The following TPD52 variants were observed in gnomAD, a reference collection of about 807,000 sequenced individuals.
The protein encoded by TPD52 is prostate and colon associated protein.
TPD52 carries 17 observed loss-of-function variants against 31.3 expected under a neutral mutation model. The ratio of observed to expected loss-of-function variants is 0.54; its 90% CI spans 0.37 to 0.82. The LOEUF (loss-of-function observed/expected upper bound fraction) is 0.82, where lower values mean the gene tolerates loss of function less well. Ranked by LOEUF, TPD52 falls within the 40% of genes least tolerant of loss-of-function variation. TPD52 has a pLI of 0.00. For missense variants in TPD52, 212 were observed against 240.1 expected (o/e 0.88, Z 0.77); for synonymous variants, 83 against 89.6 (o/e 0.93, Z 0.42).
intron 1 of TPD52, among the ~76,000 whole-genome samples, chr8:80,088,368 A>T (rs1815982937): frequency 6.6e-6 from 1 of 152,220 alleles, no homozygotes; most frequent in Non-Finnish European, 1.5e-5. Context: ...ACAATTCTTC[A>T]TTAGAATTTA....
intron 1 of TPD52, among the ~76,000 whole-genome samples, chr8:80,113,871 C>A (rs900854909): frequency 6.6e-6 from 1 of 152,196 alleles, no homozygotes; most frequent in Non-Finnish European, 1.5e-5. Flanking sequence ...GATCATTACA[C>A]ATTGTATCCC....
intron 1 of TPD52, among the ~76,000 whole-genome samples, chr8:80,072,298 C>T (rs1410464962): frequency 7.1e-6 from 1 of 141,192 alleles, no homozygotes; most frequent in Non-Finnish European, 1.6e-5. Flanking sequence ...CAGAGAGAGA[C>T]TCCATCTAAA....
chr8:80,101,707 G>A (rs760661310), intron 1 of TPD52, among the ~76,000 whole-genome samples: 1 of 152,076 alleles, frequency 6.6e-6, no homozygotes, highest in Non-Finnish European at 1.5e-5. Flanking sequence ...GAGGGACCAG[G>A]TTCTTTGAAA....
At chr8:80,132,760 TC>T (rs1809109808) in intron 1 of TPD52, among the ~76,000 whole-genome samples, 1 of 152,050 alleles carries the variant, frequency 6.6e-6, no homozygotes, top group African/African-American at 2.4e-5. Flanking sequence ...AAGCCCAGGA[TC>T]TAAAAGCAGA....
chr8:80,171,425 C>CTTGCT lies in TPD52; in HGVS notation c.14_18dup (p.Gly7SerfsTer5), dbSNP rs1812095000. On this transcript the variant is annotated frameshift_variant and splice_region_variant, in exon 1 of 8. Coordinates refer to ENST00000518937, the MANE Select transcript of TPD52 (RefSeq NM_001025253.3). LOFTEE classifies it high-confidence loss of function. ...AAGCCCGCTGGGTCCGCGCCCTCAC[C>CTTGCT]TTGCTCGCCGCGGTCCATGTCTCCA... 6.3e-7 allele frequency: 1 copy of CTTGCT among 1,596,162 alleles called. No homozygotes were observed. Among genetic ancestry groups the CTTGCT allele is most frequent in the African/African-American group, 1.3e-5 (1 of 74,412 alleles).
intron 2 of TPD52, among the ~76,000 whole-genome samples, chr8:80,055,567 T>C (rs962956945): frequency 1.3e-5 from 2 of 152,088 alleles, no homozygotes; most frequent in African/African-American, 4.8e-5. Flanking sequence ...CAAATGGGAC[T>C]AAATTCAAGG....
intron 1 of TPD52, among the ~76,000 whole-genome samples, chr8:80,107,910 G>A (rs185843011): frequency 8.6e-4 from 131 of 152,258 alleles, no homozygotes; most frequent in South Asian, 1.2e-3. Flanking sequence ...AGATGTTTAA[G>A]ATCATAAAAC....
chr8:80,092,719 T>A (rs9969512), intron 1 of TPD52, among the ~76,000 whole-genome samples: 4,488 of 151,760 alleles, frequency 0.03, 223 homozygotes, highest in African/African-American at 0.1. Context: ...AAACTGTAGA[T>A]CTCGTGAAGA....
chr8:80,051,141 C>T (rs947288026), intron 4 of TPD52: 8 of 220,844 alleles, frequency 3.6e-5, no homozygotes, highest in Admixed American at 2.1e-4. Flanking sequence ...ACATATAGAA[C>T]GTGAAGCCAA....
chr8:80,123,018 C>T (rs916494833), intron 1 of TPD52: 3 of 152,296 alleles, frequency 2.0e-5, no homozygotes, highest in Non-Finnish European at 4.4e-5. Flanking sequence ...GGAAGAAAGC[C>T]GGAACTGCAA....
At chr8:80,096,392 C>T (rs1816744946) in intron 1 of TPD52, among the ~76,000 whole-genome samples, 1 of 151,940 alleles carries the variant, frequency 6.6e-6, no homozygotes, top group South Asian at 2.1e-4. Context: ...GTCAAGGCTT[C>T]CTAAGTATCT....
intron 1 of TPD52, among the ~76,000 whole-genome samples, chr8:80,096,291 A>AACACACACACACACACAC (rs34309218): frequency 1.4e-5 from 2 of 146,814 alleles, no homozygotes; most frequent in African/African-American, 5.1e-5. Flanking sequence ...CACACACACA[A>AACACACACACACACACAC]ACACACACAC....
chr8:80,071,792 C>A (rs1056235260), intron 1 of TPD52, among the ~76,000 whole-genome samples: 6 of 152,146 alleles, frequency 3.9e-5, no homozygotes, highest in Admixed American at 3.9e-4. Context: ...TATTCCTCAA[C>A]CTGCCCCAAC....
intron 1 of TPD52, among the ~76,000 whole-genome samples, chr8:80,143,099 A>T (rs1159465911): frequency 6.6e-6 from 1 of 152,214 alleles, no homozygotes; most frequent in Non-Finnish European, 1.5e-5. Flanking sequence ...AACTAGGAGG[A>T]AAGTACCTAC....
rs1809835031 is a variant in TPD52 at position 80,035,435 on chromosome 8, A to G, written c.*2681T>C. 6.6e-6 allele frequency: 1 copy of G among 152,240 alleles called. No individual in the cohort carries two copies. Among genetic ancestry groups the G allele is most frequent in the African/African-American group, 2.4e-5 (1 of 41,458 alleles). 9.4% of individuals were successfully genotyped at this position (152,240 alleles called of 1,614,324 possible). On this transcript the variant is annotated 3_prime_UTR_variant, in exon 8 of 8. Coordinates refer to ENST00000518937, the MANE Select transcript of TPD52 (RefSeq NM_001025253.3). ...CTTTAAGTATCATATCCAGAATATG[A>G]AGGGTTTGGAGAGAAGTTGCATAAT...
chr8:80,127,821 CACACACACACACACACAG>C (rs879787823), intron 1 of TPD52, among the ~76,000 whole-genome samples: 3,719 of 131,172 alleles, frequency 0.028, 148 homozygotes, highest in African/African-American at 0.087. Context: ...CACACACACA[CACACACACACACACACAG>C]AGATACATAA....
intron 1 of TPD52, among the ~76,000 whole-genome samples, chr8:80,163,237 T>C (rs1811479269): frequency 1.3e-5 from 2 of 152,200 alleles, no homozygotes. Context: ...TTTCCACTGA[T>C]AGATAAATAA....
chr8:80,124,542 G>A (rs1021121126), intron 1 of TPD52, among the ~76,000 whole-genome samples: 10 of 152,078 alleles, frequency 6.6e-5, no homozygotes, highest in African/African-American at 1.2e-4. Flanking sequence ...GTATACGTAC[G>A]TTTACACATA....
chr8:80,097,597 G>A (rs1478458076), intron 1 of TPD52, among the ~76,000 whole-genome samples: 5 of 152,216 alleles, frequency 3.3e-5, no homozygotes, highest in Admixed American at 2.0e-4. Flanking sequence ...CATCTAAGAC[G>A]TCCCTGCTTC....
Sources: gnomAD v4.1 joint callset for allele counts (sites outside exome capture counted in the v4.1 genomes callset) on GRCh38, gnomAD v4.1.1 for gene constraint, MANE v1.5 for transcripts, NCBI Gene and HGNC (gene_info 2026-07-23, HGNC 2026-07-21) for gene names.